The following ANGPT2 variants were observed in gnomAD, a reference collection of about 807,000 sequenced individuals.
ANGPT2 encodes the protein angiopoietin-2.
In ANGPT2, 28 loss-of-function variants were observed where a neutral mutation model predicts 62.9. That is an observed-to-expected ratio of 0.44 (90% CI 0.33 to 0.61). The LOEUF (loss-of-function observed/expected upper bound fraction) is 0.61, where lower values mean the gene tolerates loss of function less well. Among genes scored for constraint, ANGPT2 ranks in the 20% least tolerant of loss-of-function variants. The pLI is 0.03. For missense variants in ANGPT2, 727 were observed against 594.9 expected, an observed-to-expected ratio of 1.22 and a Z score of -2.31; for synonymous variants, 284 against 207.8, an observed-to-expected ratio of 1.37 and a Z score of -3.15.
rs952727863 is a variant in ANGPT2, at chr8:6,501,519, G to A, written c.*1582C>T. On this transcript the variant is annotated 3_prime_UTR_variant, in exon 9 of 9. Transcript: ENST00000629816. ...GGAGTTTATGGTTTTGTAGTCCCGA[G>A]TATAAAGCTGTGTTCTCAAATTTTC... 2.7e-5 allele frequency: 4 copies of A among 150,410 alleles called. No homozygotes were observed. Among genetic ancestry groups the A allele is most frequent in the African/African-American group, 9.8e-5 (4 of 40,930 alleles). 9.3% of individuals were successfully genotyped at this position (150,410 alleles called of 1,614,324 possible).
Position 6,527,678 on chromosome 8 carries a change from TA to T in ANGPT2, c.445-3del. 11 of 1,600,904 alleles carry T rather than the reference TA, an allele frequency of 6.9e-6. No individual in the cohort carries two copies. Among genetic ancestry groups the T allele is most frequent in the Non-Finnish European group, 9.4e-6 (11 of 1,176,036 alleles). On this transcript the variant is annotated splice_region_variant and splice_polypyrimidine_tract_variant and intron_variant, in intron 2 of 8. Coordinates refer to ENST00000629816, the MANE Select transcript of ANGPT2 (RefSeq NM_001118887.2). Reference sequence around the variant, plus strand: ...AAGTCTCGTGGTCTGATTTAATACCTAAATGTAACAAAATGAAGTTCCTATT... The same window carrying T: ...AAGTCTCGTGGTCTGATTTAATACCTAATGTAACAAAATGAAGTTCCTATT...
chr8:6,561,309 G>A (rs11996740), intron 1 of ANGPT2, among the ~76,000 whole-genome samples: 18,524 of 152,198 alleles, frequency 0.12, 1,234 homozygotes, highest in South Asian at 0.16. Flanking sequence ...GGTCATTTTG[G>A]TAAGTTTTTG....
chr8:6,510,974 G>A (rs1383186904), intron 7 of ANGPT2, among the ~76,000 whole-genome samples: 1 of 152,116 alleles, frequency 6.6e-6, no homozygotes, highest in East Asian at 1.9e-4. Context: ...ATCTCTGTTG[G>A]GATTTTGAAA....
chr8:6,505,275 T>TATACATATATATGTATATA, intron 8 of ANGPT2, among the ~76,000 whole-genome samples: 1 of 27,102 alleles, frequency 3.7e-5, no homozygotes, highest in Admixed American at 5.3e-4. Flanking sequence ...TATATATGTA[T>TATACATATATATGTATATA]ACATATATAT....
Position 6,503,094 on chromosome 8 carries a change from G to T in ANGPT2, c.*7C>A, listed in dbSNP as rs773693217. On this transcript the variant is annotated 3_prime_UTR_variant, in exon 9 of 9. Transcript: ENST00000629816. ...TTCGAGACAGTTCCTCAGGTGGACT[G>T]GGATGTTTAGAAATCTGCTGGTCGG... 23 of 1,614,004 alleles carry T rather than the reference G, an allele frequency of 1.4e-5. No individual in the cohort carries two copies. The highest frequency in any genetic ancestry group is 1.8e-5 in the Non-Finnish European group (21 of 1,180,016).
chr8:6,532,816 G>T (rs1031303), intron 1 of ANGPT2, among the ~76,000 whole-genome samples: 106,431 of 152,028 alleles, frequency 0.7, 37,409 homozygotes, highest in Non-Finnish European at 0.72. Flanking sequence ...TGCTGGGTGC[G>T]GCCACTGTGG....
chr8:6,509,086 A>T, intron 7 of ANGPT2, 24 bp from the exon 8 acceptor site: 1 of 1,610,444 alleles, frequency 6.2e-7, no homozygotes, highest in Non-Finnish European at 8.5e-7. Context: ...AAGAAAAAAA[A>T]CACATTGGCT....
intron 1 of ANGPT2, among the ~76,000 whole-genome samples, 178 bp downstream of exon 1, chr8:6,562,469 C>T (rs1387778513): frequency 6.8e-6 from 1 of 147,338 alleles, no homozygotes; most frequent in Non-Finnish European, 1.5e-5. Context: ...ACCCACACAC[C>T]CTGGGATAGA....
chr8:6,535,448 T>G (rs1000423423), intron 1 of ANGPT2, among the ~76,000 whole-genome samples: 1 of 152,206 alleles, frequency 6.6e-6, no homozygotes, highest in Admixed American at 6.5e-5. Context: ...CCTTTTTAAA[T>G]TGCTACTTTT....
intron 1 of ANGPT2, among the ~76,000 whole-genome samples, chr8:6,553,043 C>A (rs1823939826): frequency 6.6e-6 from 1 of 152,128 alleles, no homozygotes; most frequent in Non-Finnish European, 1.5e-5. Context: ...TCCATGGCTT[C>A]ATACATTGGT....
intron 1 of ANGPT2, among the ~76,000 whole-genome samples, chr8:6,541,257 G>A (rs1372208298): frequency 2.0e-5 from 3 of 152,154 alleles, no homozygotes; most frequent in Non-Finnish European, 4.4e-5. Context: ...CTTTAATGAA[G>A]GAGAAAAATG....
At chr8:6,536,587 A>G (rs981161377) in intron 1 of ANGPT2, among the ~76,000 whole-genome samples, 1 of 152,224 alleles carries the variant, frequency 6.6e-6, no homozygotes, top group Non-Finnish European at 1.5e-5. Context: ...TCCTGACAAA[A>G]GAATCTGTGT....
chr8:6,552,269 T>C (rs1008831430), intron 1 of ANGPT2, among the ~76,000 whole-genome samples: 38 of 152,154 alleles, frequency 2.5e-4, no homozygotes, highest in African/African-American at 8.9e-4. Flanking sequence ...ACACTGAACC[T>C]GAAGGGATGA....
chr8:6,559,985 C>T (rs1171950692), intron 1 of ANGPT2, among the ~76,000 whole-genome samples: 1 of 152,186 alleles, frequency 6.6e-6, no homozygotes, highest in East Asian at 1.9e-4. Flanking sequence ...AAAGGGGCAG[C>T]GTGGGACCTT....
intron 5 of ANGPT2, among the ~76,000 whole-genome samples, chr8:6,519,349 C>T (rs1255570547): frequency 6.6e-6 from 1 of 152,154 alleles, no homozygotes; most frequent in Non-Finnish European, 1.5e-5. Flanking sequence ...AAACTGCCAC[C>T]ATCCCCGTGT....
intron 5 of ANGPT2, among the ~76,000 whole-genome samples, chr8:6,516,940 G>T (rs760621700): frequency 2.0e-5 from 3 of 152,056 alleles, no homozygotes; most frequent in Admixed American, 2.0e-4. Context: ...ATGAGTATTC[G>T]CTTTGATTCC....
Position 6,562,861 on chromosome 8 carries a change from C to G in ANGPT2, c.74G>C (p.Ser25Thr), listed in dbSNP as rs747672751. 1.9e-6 allele frequency: 3 copies of G among 1,613,180 alleles called. No homozygotes were observed. The highest frequency in any genetic ancestry group is 2.5e-6 in the Non-Finnish European group (3 of 1,179,266). ...LAAAYNNFRK[S>T]MDSIGKKQYQ... ...TTGCTTCTTTCCTATGCTGTCCATG[C>G]TCTTCCGAAAGTTGTTATAGGCTGC... Residue 25 changes from serine (S) to threonine (T), a missense_variant, in exon 1 of 9, where the codon AGC becomes ACC. Coordinates refer to ENST00000629816, the MANE Select transcript of ANGPT2 (RefSeq NM_001118887.2).
chr8:6,511,032 G>A (rs1361679700), intron 7 of ANGPT2, among the ~76,000 whole-genome samples: 1 of 152,188 alleles, frequency 6.6e-6, no homozygotes, highest in African/African-American at 2.4e-5. Flanking sequence ...AGACAGGATT[G>A]AGATGAACCA....
chr8:6,544,807 C>T (rs1474951592), intron 1 of ANGPT2, among the ~76,000 whole-genome samples: 3 of 152,192 alleles, frequency 2.0e-5, no homozygotes, highest in East Asian at 1.9e-4. Context: ...GAATCTATAA[C>T]ATCTGCTGAA....
Sources: allele counts gnomAD v4.1 joint callset (sites outside exome capture counted in the v4.1 genomes callset), GRCh38; gene constraint gnomAD v4.1.1; transcripts MANE v1.5; gene names NCBI Gene and HGNC (gene_info 2026-07-23, HGNC 2026-07-21).